The following STK24 variants were observed in gnomAD, a reference collection of about 807,000 sequenced individuals.
STK24 encodes serine/threonine-protein kinase 24.
A neutral mutation model predicts 55.6 loss-of-function variants in STK24; 21 were observed. The observed-to-expected ratio is 0.38, with a 90% CI of 0.27 to 0.54. STK24 has a LOEUF of 0.54. STK24 is among the 20% of genes least tolerant of loss of function. The pLI is 0.79. For synonymous variants in STK24, 200 were observed against 215.2 expected (o/e 0.93, Z 0.62); for missense variants, 383 against 538.4 (o/e 0.71, Z 2.86).
At chr13:98,541,190 C>G (rs1442321641) in intron 1 of STK24, among the ~76,000 whole-genome samples, 1 of 152,172 alleles carries the variant, frequency 6.6e-6, no homozygotes, top group Non-Finnish European at 1.5e-5. Context: ...TATATAAGCT[C>G]TGGAAAACTT....
chr13:98,474,387 T>C (rs1187082531), intron 5 of STK24, among the ~76,000 whole-genome samples: 1 of 152,162 alleles, frequency 6.6e-6, no homozygotes, highest in Non-Finnish European at 1.5e-5. Flanking sequence ...CTTTCTCTTG[T>C]GGGAGCCCCT....
chr13:98,514,102 G>A lies in STK24; in HGVS notation c.273+5141C>T, dbSNP rs9584859. 5.3e-3 allele frequency among the ~76,000 whole-genome samples: 810 copies of A among 152,272 alleles called. 10 individuals are homozygous for A. Among genetic ancestry groups the A allele is most frequent in the African/African-American group, 0.018 (765 of 41,558 alleles). The stretch of plus-strand genomic sequence containing the variant: ...CAATATGGGCAAGGCTGAGAATCAC[G>A]GTGTTTTTCTGCAGATAGGCATAGT... On this transcript the variant is annotated intron_variant, in intron 2 of 10. Transcript: ENST00000539966.
chr13:98,530,744 C>T (rs1209221771), intron 1 of STK24, among the ~76,000 whole-genome samples: 2 of 152,148 alleles, frequency 1.3e-5, no homozygotes, highest in Admixed American at 6.6e-5. Flanking sequence ...AGGTCTGTTC[C>T]GGGATCAAAC....
At chr13:98,480,403 C>T (rs921267408) in intron 3 of STK24, among the ~76,000 whole-genome samples, 1 of 152,158 alleles carries the variant, frequency 6.6e-6, no homozygotes, top group Non-Finnish European at 1.5e-5. Flanking sequence ...AATCTAATTA[C>T]ATAAAATGAG....
intron 1 of STK24, among the ~76,000 whole-genome samples, chr13:98,555,228 G>A (rs1897257003): frequency 6.6e-6 from 1 of 152,002 alleles, no homozygotes; most frequent in African/African-American, 2.4e-5. Flanking sequence ...TGTATAACTG[G>A]CACAATATGC....
intron 1 of STK24, among the ~76,000 whole-genome samples, chr13:98,529,282 G>A (rs904622401): frequency 1.6e-4 from 25 of 152,056 alleles, no homozygotes; most frequent in Non-Finnish European, 3.1e-4. Context: ...TGCAAACCGC[G>A]TCATGGTTCT....
intron 2 of STK24, among the ~76,000 whole-genome samples, chr13:98,483,219 C>G (rs1894668461): frequency 6.6e-6 from 1 of 152,210 alleles, no homozygotes; most frequent in South Asian, 2.1e-4. Context: ...GCAGCTGTCT[C>G]CTGAGCTTCT....
chr13:98,452,514 A>G lies in STK24; in HGVS notation c.*659T>C. 6.6e-6 allele frequency: 1 copy of G among 152,650 alleles called. No individual in the cohort carries two copies. The highest frequency in any genetic ancestry group is 1.9e-4 in the East Asian group (1 of 5,202). The allele number at this position is 152,650 out of a possible 1,614,324, so 9.5% of individuals were successfully genotyped here. Reference sequence around the variant, plus strand: ...TACAAATAGGAGTGTTCTGTAAGAGAGGGGCATTAATTATTAATGACAAAC... The same window carrying G: ...TACAAATAGGAGTGTTCTGTAAGAGGGGGGCATTAATTATTAATGACAAAC... On this transcript the variant is annotated 3_prime_UTR_variant, in exon 11 of 11. Coordinates refer to ENST00000539966, the MANE Select transcript of STK24 (RefSeq NM_001032296.4).
chr13:98,567,487 T>C (rs1327815828), intron 1 of STK24, among the ~76,000 whole-genome samples: 5 of 152,294 alleles, frequency 3.3e-5, no homozygotes, highest in Non-Finnish European at 5.9e-5. Context: ...CCGGACATCG[T>C]TCTGTGTCCA....
intron 5 of STK24, among the ~76,000 whole-genome samples, chr13:98,468,596 G>A (rs1894009252): frequency 6.6e-6 from 1 of 152,206 alleles, no homozygotes; most frequent in Non-Finnish European, 1.5e-5. Flanking sequence ...CCAACAGGTG[G>A]CTCTCAAGTT....
chr13:98,536,861 A>T (rs1216953820), intron 1 of STK24, among the ~76,000 whole-genome samples: 1 of 104,504 alleles, frequency 9.6e-6, no homozygotes, highest in African/African-American at 3.7e-5. Flanking sequence ...CGGCTGCCAC[A>T]CTCCTCCGCC....
At chr13:98,552,217 A>T (rs1316379284) in intron 1 of STK24, among the ~76,000 whole-genome samples, 1 of 152,172 alleles carries the variant, frequency 6.6e-6, no homozygotes, top group Non-Finnish European at 1.5e-5. Flanking sequence ...TATTAAAAGG[A>T]ATCTTTACAT....
chr13:98,516,701 AAGG>A (rs869162323), intron 2 of STK24, among the ~76,000 whole-genome samples: 1 of 102,676 alleles, frequency 9.7e-6, no homozygotes, highest in African/African-American at 3.0e-5. Context: ...TGTCAAGATG[AAGG>A]AACAATAAGA....
chr13:98,448,193 C>A lies in STK24; in HGVS notation c.*4980G>T. 1.2e-5 allele frequency: 18 copies of A among 1,527,984 alleles called. No individual in the cohort carries two copies. Among genetic ancestry groups the A allele is most frequent in the Non-Finnish European group, 1.6e-5 (18 of 1,102,158 alleles). 94.7% of individuals were successfully genotyped at this position (1,527,984 alleles called of 1,614,324 possible). A position where few individuals can be genotyped will look rare whatever the true frequency, so the allele number is the denominator to read the frequency against. ...GATGCCCACCAAAGTGTCAGGAGTC[C>A]GTCCAAACAAAAGGTTGACTAACTG... is the stretch of plus-strand genomic sequence containing the variant. On this transcript the variant is annotated 3_prime_UTR_variant, in exon 11 of 11. Coordinates refer to ENST00000539966, the MANE Select transcript of STK24 (RefSeq NM_001032296.4).
chr13:98,572,089 C>T (rs1165657003), intron 1 of STK24, among the ~76,000 whole-genome samples: 1 of 152,212 alleles, frequency 6.6e-6, no homozygotes, highest in African/African-American at 2.4e-5. Flanking sequence ...AGCTGTGTCA[C>T]CGCTTTCCAA....
rs1196341400 is a variant in STK24 at position 98,446,897 on chromosome 13, C to T, written c.*6276G>A. The T allele has an allele frequency of 1.7e-5, 25 of 1,473,654 alleles. No homozygotes were observed. The highest frequency in any genetic ancestry group is 1.6e-4 in the East Asian group (7 of 43,880). The allele number at this position is 1,473,654 out of a possible 1,614,324, so 91.3% of individuals were successfully genotyped here. ...AACATCAGGATTTCTCCCAAGTCAG[C>T]GAGTGAGATGGCCCCACCCTTCCCT... On this transcript the variant is annotated 3_prime_UTR_variant, in exon 11 of 11. Coordinates refer to ENST00000539966, the MANE Select transcript of STK24 (RefSeq NM_001032296.4).
chr13:98,575,654 G>T (rs1268434994), intron 1 of STK24, among the ~76,000 whole-genome samples: 2 of 152,188 alleles, frequency 1.3e-5, no homozygotes, highest in African/African-American at 4.8e-5. Context: ...CACAGGGAAG[G>T]AGCCTGTTGG....
Position 98,448,396 on chromosome 13 carries a change from A to C in STK24, c.*4777T>G, listed in dbSNP as rs1566331425. ...TCTTCTGTATTAATGAAGCCTGGTA[A>C]AATTAACACCTGTCTGAAAATCAAA... On this transcript the variant is annotated 3_prime_UTR_variant, in exon 11 of 11. Transcript: ENST00000539966. 1 of 1,130,722 alleles carries C rather than the reference A, an allele frequency of 8.8e-7. No homozygotes were observed. The highest frequency in any genetic ancestry group is 1.3e-6 in the Non-Finnish European group (1 of 743,760). 70.0% of individuals were successfully genotyped at this position (1,130,722 alleles called of 1,614,324 possible). A position where few individuals can be genotyped will look rare whatever the true frequency, so the allele number is the denominator to read the frequency against.
chr13:98,517,771 T>G (rs1896119297), intron 2 of STK24, among the ~76,000 whole-genome samples: 1 of 152,232 alleles, frequency 6.6e-6, no homozygotes, highest in Non-Finnish European at 1.5e-5. Flanking sequence ...GCATTCTTCC[T>G]CCATTCTTTA....
Sources: allele counts gnomAD v4.1 joint callset (sites outside exome capture counted in the v4.1 genomes callset), GRCh38; gene constraint gnomAD v4.1.1; transcripts MANE v1.5; gene names NCBI Gene and HGNC (gene_info 2026-07-23, HGNC 2026-07-21).